Variants in C1QTNF9 observed in about 807,000 individuals in gnomAD.
C1QTNF9 encodes the protein complement C1q and tumor necrosis factor-related protein 9A.
C1QTNF9 carries 6 observed loss-of-function variants against 10.1 expected under a neutral mutation model. The ratio of observed to expected loss-of-function variants is 0.59; its 90% CI spans 0.32 to 1.17. C1QTNF9 has a LOEUF of 1.17. C1QTNF9 is among the 50% of genes most tolerant of loss of function. The pLI, the probability that C1QTNF9 is intolerant of heterozygous loss-of-function variation, is 0.04. For synonymous variants in C1QTNF9, 98 were observed against 163.5 expected (o/e 0.60, Z 3.06); for missense variants, 201 against 418.8 (o/e 0.48, Z 4.54).
Position 24,318,881 on chromosome 13 carries a change from G to A in C1QTNF9, c.229+1G>A, listed in dbSNP as rs748534982. The A allele has an allele frequency of 1.2e-6, 2 of 1,614,104 alleles. No homozygotes were observed. The highest frequency in any genetic ancestry group is 1.3e-5 in the African/African-American group (1 of 74,932). ...ACGAGTGGAGAGAAGGGAGAACGAG[G>A]TTAGTAGTTCCTATTTATGGTGCTC... On this transcript the variant is annotated splice_donor_variant, in intron 3 of 3. Transcript: ENST00000332018. LOFTEE classifies it high-confidence loss of function.
At chr13:24,320,217 G>C (rs1037811014) in intron 3 of C1QTNF9, among the ~76,000 whole-genome samples, 4 of 152,018 alleles carry the variant, frequency 2.6e-5, no homozygotes, top group African/African-American at 7.2e-5. Flanking sequence ...AGTGCTTTCT[G>C]TCATGGATTG....
rs1422108066 is a variant in C1QTNF9 at position 24,316,187 on chromosome 13, T to C, written c.166+18T>C. 3 of 1,535,080 alleles carry C rather than the reference T, an allele frequency of 2.0e-6. No homozygotes were observed. In the South Asian group the frequency reaches 3.5e-5, roughly 18 times the overall value. On this transcript the variant is annotated intron_variant, in intron 2 of 3. Coordinates refer to ENST00000332018, the Ensembl canonical transcript of C1QTNF9. Reference sequence around the variant, plus strand: ...CGATGCAGGTACTCACCTGACGGCTTCGGCTGCCTTTCAACTTCTCTCTTC... The same window carrying C: ...CGATGCAGGTACTCACCTGACGGCTCCGGCTGCCTTTCAACTTCTCTCTTC...
intron 1 of C1QTNF9, among the ~76,000 whole-genome samples, chr13:24,315,492 C>T (rs1483972265): frequency 8.5e-5 from 13 of 152,328 alleles, no homozygotes; most frequent in African/African-American, 2.2e-4. Flanking sequence ...AATGCAACTA[C>T]GAACATGGAC....
chr13:24,318,652 C>T lies in C1QTNF9; in HGVS notation c.167-166C>T, dbSNP rs1266001969. On this transcript the variant is annotated intron_variant, in intron 2 of 3. Coordinates refer to ENST00000332018, the Ensembl canonical transcript of C1QTNF9. ...CACGCAGCTCAGCACCCCAGATGCC[C>T]GCTCATGCCTGCCTCTCTCCACCTG... Among the ~76,000 whole-genome samples the T allele has an allele frequency of 5.2e-5, 8 of 152,386 alleles. 1 individual carries two copies. Among genetic ancestry groups the T allele is most frequent in the South Asian group, 4.1e-4 (2 of 4,834 alleles).
intron 2 of C1QTNF9, 90 bp downstream of exon 2, chr13:24,316,259 C>T: frequency 6.6e-7 from 1 of 1,511,718 alleles, no homozygotes; most frequent in East Asian, 2.3e-5. Context: ...TTTCCACCTA[C>T]CCACTCACAC....
At chr13:24,319,854 C>T (rs372525333) in intron 3 of C1QTNF9, among the ~76,000 whole-genome samples, 15 of 152,292 alleles carry the variant, frequency 9.8e-5, no homozygotes, top group South Asian at 4.1e-4. Flanking sequence ...TATCCCCAGA[C>T]GCTAGGTAGT....
chr13:24,315,991 T>C, exon 2 of C1QTNF9: 2 of 1,613,880 alleles, frequency 1.2e-6, no homozygotes, highest in African/African-American at 2.7e-5. Context: ...GTTCAGAGTC[T>C]GTCATCTGAA....
At chr13:24,316,685 A>T (rs1015701785) in intron 2 of C1QTNF9, among the ~76,000 whole-genome samples, 21 of 152,206 alleles carry the variant, frequency 1.4e-4, no homozygotes, top group Admixed American at 1.4e-3. Flanking sequence ...GAAACCATAC[A>T]GCTGCTGCTT....
intron 1 of C1QTNF9, among the ~76,000 whole-genome samples, chr13:24,310,909 C>G (rs1333422335): frequency 1.1e-5 from 1 of 93,796 alleles, no homozygotes; most frequent in Non-Finnish European, 2.0e-5. Context: ...GAGGCTCTGT[C>G]TCAAAAAAAA....
upstream of C1QTNF9, chr13:24,309,511 C>T (rs937504055): frequency 6.6e-6 from 1 of 152,018 alleles, no homozygotes; most frequent in African/African-American, 2.4e-5. Flanking sequence ...ATTTTGCAGA[C>T]ATATCCACTG....
At chr13:24,319,524 G>A (rs530676410) in intron 3 of C1QTNF9, among the ~76,000 whole-genome samples, 2 of 152,288 alleles carry the variant, frequency 1.3e-5, no homozygotes, top group East Asian at 1.9e-4. Context: ...GGGTAACAGA[G>A]TGGGTGACCC....
At chr13:24,311,874 C>A (rs551790272) in intron 1 of C1QTNF9, among the ~76,000 whole-genome samples, 5 of 152,132 alleles carry the variant, frequency 3.3e-5, no homozygotes, top group Non-Finnish European at 5.9e-5. Flanking sequence ...CCATGCACAC[C>A]CCCCCACAGG....
At chr13:24,316,047 G>A in exon 2 of C1QTNF9, 1 of 1,613,602 alleles carries the variant, frequency 6.2e-7, no homozygotes, top group Non-Finnish European at 8.5e-7. Context: ...ATCTGCACAG[G>A]GAACATAAAC....
intron 1 of C1QTNF9, among the ~76,000 whole-genome samples, chr13:24,313,878 T>A (rs1877930207): frequency 6.6e-6 from 1 of 152,222 alleles, no homozygotes; most frequent in Non-Finnish European, 1.5e-5. Flanking sequence ...GTGCATGGCA[T>A]TTTAGTCTAC....
chr13:24,313,570 G>A (rs1382342200), intron 1 of C1QTNF9, among the ~76,000 whole-genome samples: 1 of 152,188 alleles, frequency 6.6e-6, no homozygotes, highest in Admixed American at 6.5e-5. Flanking sequence ...TTCCTGGAAT[G>A]GAGCGAATTT....
At chr13:24,309,349 C>T (rs1363708269), upstream of C1QTNF9, among the ~76,000 whole-genome samples, 1 of 146,166 alleles carries the variant, frequency 6.8e-6, no homozygotes, top group African/African-American at 2.6e-5. Flanking sequence ...TCAGACTCCC[C>T]TTGAAAGTAT....
At chr13:24,307,415 G>A (rs375462276), upstream of C1QTNF9, among the ~76,000 whole-genome samples, 7 of 152,368 alleles carry the variant, frequency 4.6e-5, no homozygotes, top group South Asian at 1.4e-3. Flanking sequence ...GCTAGGCCCT[G>A]CCACAGGAGC....
chr13:24,317,147 A>G (rs1878069751), intron 2 of C1QTNF9, among the ~76,000 whole-genome samples: 1 of 152,108 alleles, frequency 6.6e-6, no homozygotes, highest in Admixed American at 6.5e-5. Flanking sequence ...TCTCCAGCTC[A>G]TTGACACTGT....
At chr13:24,313,360 C>T (rs1214515914) in intron 1 of C1QTNF9, among the ~76,000 whole-genome samples, 2 of 152,164 alleles carry the variant, frequency 1.3e-5, no homozygotes, top group Non-Finnish European at 2.9e-5. Flanking sequence ...TAACCTGACA[C>T]CTTTATGATC....
Sources: allele counts gnomAD v4.1 joint callset (sites outside exome capture counted in the v4.1 genomes callset), GRCh38; gene constraint gnomAD v4.1.1; transcripts MANE v1.5; gene names NCBI Gene and HGNC (gene_info 2026-07-23, HGNC 2026-07-21).